The following SH3YL1 variants were observed in gnomAD, a reference collection of about 807,000 sequenced individuals.
The protein encoded by SH3YL1 is SH3 domain-containing YSC84-like protein 1.
A neutral mutation model predicts 45.8 loss-of-function variants in SH3YL1; 41 were observed. That is an observed-to-expected ratio of 0.89 (90% CI 0.70 to 1.16). The LOEUF (loss-of-function observed/expected upper bound fraction) is 1.16. Ranked by LOEUF, SH3YL1 falls within the 50% of genes most tolerant of loss-of-function variation. The pLI is 0.00. For synonymous variants in SH3YL1, 152 were observed against 151.4 expected (o/e 1.00, Z -0.03); for missense variants, 389 against 409.6 (o/e 0.95, Z 0.43).
intron 4 of SH3YL1, 81 bp downstream of exon 4, chr2:247,457 A>G: frequency 8.7e-7 from 1 of 1,142,982 alleles, no homozygotes. Context: ...GAACGCTAGG[A>G]AACCTCTCAG....
At position 249,770 on chromosome 2, in the gene SH3YL1, C is replaced by T. The variant is rs904022504; in HGVS notation, c.187G>A (p.Gly63Arg). Residue 63 changes from glycine to arginine, a missense_variant, in exon 3 of 10, where the codon GGA (glycine) becomes AGA (arginine). By Grantham distance (125) the Gly-to-Arg change is moderately radical. Transcript: ENST00000356150. ...IKAGFLVTAR[G>R]GSGIVVARLP... ...CGCGCCACTACAATCCCGCTGCCTC[C>T]TCTGGCAGTCACCAGGAACCCGGCT... The T allele has an allele frequency of 1.2e-5, 18 of 1,551,930 alleles. No individual in the cohort carries two copies. Among genetic ancestry groups the T allele is most frequent in the Non-Finnish European group, 1.5e-5 (17 of 1,147,036 alleles).
chr2:254,474 G>GC (rs1669219195), intron 1 of SH3YL1, among the ~76,000 whole-genome samples: 1 of 152,212 alleles, frequency 6.6e-6, no homozygotes, highest in Non-Finnish European at 1.5e-5. Context: ...CAATTAGGAG[G>GC]CACATGCGTG....
At chr2:264,429 G>C, upstream of SH3YL1, 3 of 184,696 alleles carry the variant, frequency 1.6e-5, no homozygotes, top group Non-Finnish European at 3.4e-5. Flanking sequence ...CCCCAACCCA[G>C]GTGGGCGGCC....
intron 4 of SH3YL1, among the ~76,000 whole-genome samples, chr2:235,113 G>C (rs1668229825): frequency 6.6e-6 from 1 of 152,182 alleles, no homozygotes; most frequent in Non-Finnish European, 1.5e-5. Context: ...CTGACCTCAG[G>C]TGATCCACCC....
chr2:248,345 A>G (rs535949892), intron 3 of SH3YL1, among the ~76,000 whole-genome samples: 1 of 152,126 alleles, frequency 6.6e-6, no homozygotes, highest in Non-Finnish European at 1.5e-5. Flanking sequence ...TAGATACTAG[A>G]ATATTGCTGA....
At chr2:242,686 C>T in intron 4 of SH3YL1, 2 of 1,322,032 alleles carry the variant, frequency 1.5e-6, no homozygotes, top group Middle Eastern at 2.3e-4. Context: ...ATGAATTAAA[C>T]AACCAAATAA....
intron 1 of SH3YL1, chr2:262,682 G>A (rs1321963190): frequency 3.8e-6 from 5 of 1,303,352 alleles, no homozygotes; most frequent in Non-Finnish European, 5.1e-6. Context: ...AGCAGAGTCA[G>A]GGTAGCAGTT....
At chr2:248,242 C>T (rs1276742184) in intron 3 of SH3YL1, among the ~76,000 whole-genome samples, 1 of 152,120 alleles carries the variant, frequency 6.6e-6, no homozygotes, top group Non-Finnish European at 1.5e-5. Flanking sequence ...TATAGAAACT[C>T]ATGTTAAACA....
chr2:260,094 T>C (rs1174193248), intron 1 of SH3YL1: 2 of 152,216 alleles, frequency 1.3e-5, no homozygotes, highest in Non-Finnish European at 2.9e-5. Context: ...CCAATACTAC[T>C]GTCTGCATTT....
Position 261,513 on chromosome 2 carries a change from A to AT in SH3YL1, c.1+2470dup, listed in dbSNP as rs1179688012. Among the ~76,000 whole-genome samples, 1,057 of 150,900 alleles carry AT rather than the reference A, an allele frequency of 7.0e-3. 10 individuals are homozygous for AT. The highest frequency in any genetic ancestry group is 0.019 in the African/African-American group (804 of 41,254). The stretch of plus-strand genomic sequence containing the variant: ...ATGTTTTAAATTTTCATAGTAACAC[A>AT]TTTTTTTTTTAAATTAGAAGGTCTT... On this transcript the variant is annotated intron_variant, in intron 1 of 9. Coordinates refer to ENST00000356150, the MANE Select transcript of SH3YL1 (RefSeq NM_015677.4).
At chr2:224,392 G>C (rs747394996) in intron 9 of SH3YL1, among the ~76,000 whole-genome samples, 1 of 152,168 alleles carries the variant, frequency 6.6e-6, no homozygotes, top group Non-Finnish European at 1.5e-5. Flanking sequence ...AAAACACAGA[G>C]AAAATGGAAT....
chr2:264,217 G>A (rs998582237), upstream of SH3YL1: 13 of 521,032 alleles, frequency 2.5e-5, no homozygotes, highest in Non-Finnish European at 4.1e-5. Context: ...CCTCAAGATC[G>A]AAAAGCCCAG....
upstream of SH3YL1, chr2:264,178 C>A (rs552378499): frequency 3.4e-4 from 255 of 741,042 alleles, no homozygotes; most frequent in African/African-American, 4.4e-3. Context: ...CTCAGGCCTT[C>A]GCCCTCAGGG....
At chr2:232,940 A>T (rs1668114009) in intron 6 of SH3YL1, 161 bp downstream of exon 6, 1 of 485,748 alleles carries the variant, frequency 2.1e-6, no homozygotes, top group African/African-American at 2.0e-5. Context: ...ATTTTCTACG[A>T]GCATATATTA....
Position 230,926 on chromosome 2 carries a change from G to A in SH3YL1, c.702+97C>T, listed in dbSNP as rs748541055. The A allele has an allele frequency of 1.2e-5, 14 of 1,150,630 alleles. No individual in the cohort carries two copies. In the African/African-American group the frequency reaches 1.2e-4, roughly 10 times the overall value. 71.3% of individuals were successfully genotyped at this position (1,150,630 alleles called of 1,614,324 possible). A position where few individuals can be genotyped will look rare whatever the true frequency, so the allele number is the denominator to read the frequency against. On this transcript the variant is annotated intron_variant, in intron 7 of 9. Coordinates refer to ENST00000356150, the MANE Select transcript of SH3YL1 (RefSeq NM_015677.4). ...TGAAGTCAGTGAAACTACGAAGGAG[G>A]CTTAGTAGGTTCTTAGGAACCTGAT...
At chr2:228,818 C>A (rs1402362282) in intron 8 of SH3YL1, among the ~76,000 whole-genome samples, 1 of 152,074 alleles carries the variant, frequency 6.6e-6, no homozygotes, top group African/African-American at 2.4e-5. Flanking sequence ...AAGGCACAGC[C>A]AAGAATCATA....
In SH3YL1 at chr2:218,929, A is replaced by G. The variant is rs757400140; in HGVS notation, c.911T>C (p.Phe304Ser). 3 of 1,614,102 alleles carry G rather than the reference A, an allele frequency of 1.9e-6. No individual in the cohort carries two copies. The highest frequency in any genetic ancestry group is 1.7e-5 in the Admixed American group (1 of 60,012). ...AACTGTGATTCTGTCTCCAGCTTGAAAATTCAAATCCCCAGGCTGCTGTCC... is the reference window on the plus strand; with the variant it reads ...AACTGTGATTCTGTCTCCAGCTTGAGAATTCAAATCCCCAGGCTGCTGTCC... ...FEGQQPGDLN[F>S]QAGDRITVIS... Residue 304 changes from phenylalanine to serine, a missense_variant, in exon 10 of 10, where the codon TTT (phenylalanine) becomes TCT (serine). By Grantham distance (155) the Phe-to-Ser change is radical. Transcript: ENST00000356150.
intron 1 of SH3YL1, chr2:262,079 G>A (rs1235770273): frequency 6.5e-6 from 1 of 153,952 alleles, no homozygotes; most frequent in Non-Finnish European, 1.5e-5. Context: ...AAAAGAAAGT[G>A]TATGTATCTA....
At chr2:224,794 GATTA>G (rs1558233353) in intron 9 of SH3YL1, 66 bp downstream of exon 9, 6 of 1,127,084 alleles carry the variant, frequency 5.3e-6, no homozygotes, top group South Asian at 2.5e-5. Context: ...TAACCTGTCA[GATTA>G]ATTAGGAAGT....
Sources: gnomAD v4.1 joint callset for allele counts (sites outside exome capture counted in the v4.1 genomes callset) on GRCh38, gnomAD v4.1.1 for gene constraint, MANE v1.5 for transcripts, NCBI Gene and HGNC (gene_info 2026-07-23, HGNC 2026-07-21) for gene names.